The following TP63 variants were observed in gnomAD, a reference collection of about 807,000 sequenced individuals.
TP63 encodes the protein tumor protein p63.
A neutral mutation model predicts 82.8 loss-of-function variants in TP63; 17 were observed. That is an observed-to-expected ratio of 0.21 (90% CI 0.14 to 0.31). The LOEUF (loss-of-function observed/expected upper bound fraction) is 0.31. Among genes scored for constraint, TP63 ranks in the 10% least tolerant of loss-of-function variants. The pLI, the probability that TP63 is intolerant of heterozygous loss-of-function variation, is 1.00. For synonymous variants in TP63, 330 were observed against 321.7 expected, an observed-to-expected ratio of 1.03 and a Z score of -0.28; for missense variants, 648 against 895.3, an observed-to-expected ratio of 0.72 and a Z score of 3.52.
At chr3:189,634,112 G>A (rs1420036249) in intron 1 of TP63, among the ~76,000 whole-genome samples, 3 of 151,972 alleles carry the variant, frequency 2.0e-5, no homozygotes, top group African/African-American at 7.2e-5. Flanking sequence ...TGAGTAAATG[G>A]GTTTGAGCTG....
At chr3:189,632,168 T>C (rs1368446211) in intron 1 of TP63, among the ~76,000 whole-genome samples, 1 of 152,176 alleles carries the variant, frequency 6.6e-6, no homozygotes, top group Non-Finnish European at 1.5e-5. Context: ...CAATTGTGTA[T>C]GTGCTTCAAA....
chr3:189,712,177 CACTT>C (rs1236620018), intron 1 of TP63, among the ~76,000 whole-genome samples: 3 of 152,174 alleles, frequency 2.0e-5, no homozygotes, highest in South Asian at 2.1e-4. Flanking sequence ...TCCCTGTCCT[CACTT>C]ACGAGGACAG....
At chr3:189,618,946 C>T in the TP63 span, among the ~76,000 whole-genome samples, 2 of 152,140 alleles carry the variant, frequency 1.3e-5, no homozygotes, top group Non-Finnish European at 2.9e-5. Flanking sequence ...GTGAGCTTGC[C>T]CTATGCACGG....
At chr3:189,868,841 C>A (rs16864880) in intron 8 of TP63, 125 bp downstream of exon 8, 7 of 1,483,986 alleles carry the variant, frequency 4.7e-6, no homozygotes, top group South Asian at 1.1e-5. Flanking sequence ...GACGTCAGCC[C>A]TCAGAGCCAG....
At chr3:189,622,869 T>C in the TP63 span, among the ~76,000 whole-genome samples, 3 of 152,196 alleles carry the variant, frequency 2.0e-5, no homozygotes, top group South Asian at 2.1e-4. Context: ...AGTTGAGATG[T>C]TGCAATGAGA....
rs1553858906 is a variant in TP63 at position 189,872,840 on chromosome 3, C to T, written c.1213-19C>T. 6.2e-7 allele frequency: 1 copy of T among 1,614,058 alleles called. No homozygotes were observed. Among genetic ancestry groups the T allele is most frequent in the South Asian group, 1.1e-5 (1 of 91,064 alleles). ...ACAGCTTTTCATGTTTCCTTCTTTC[C>T]TTCTGCTCACTTCCATAGGTGAGGG... On this transcript the variant is annotated intron_variant, in intron 9 of 13. Coordinates refer to ENST00000264731, the MANE Select transcript of TP63 (RefSeq NM_003722.5).
At chr3:189,866,572 A>T (rs1717753551) in intron 5 of TP63, 110 bp from the exon 6 acceptor site, 1 of 965,722 alleles carries the variant, frequency 1.0e-6, no homozygotes, top group Non-Finnish European at 1.6e-6. Context: ...CATTTTCTTT[A>T]TTATACAGAC....
intron 1 of TP63, among the ~76,000 whole-genome samples, chr3:189,712,266 T>C (rs1718648261): frequency 6.6e-6 from 1 of 152,174 alleles, no homozygotes; most frequent in Non-Finnish European, 1.5e-5. Flanking sequence ...CACAGAAATA[T>C]GGAAGAAGAC....
At chr3:189,714,926 C>T (rs1718852535) in intron 1 of TP63, among the ~76,000 whole-genome samples, 1 of 152,108 alleles carries the variant, frequency 6.6e-6, no homozygotes, top group African/African-American at 2.4e-5. Context: ...AGAAACAGTA[C>T]TGTACGTTCA....
chr3:189,831,612 G>A (rs1045711208), intron 4 of TP63, among the ~76,000 whole-genome samples: 3 of 150,308 alleles, frequency 2.0e-5, no homozygotes, highest in African/African-American at 7.4e-5. Flanking sequence ...TTCTGGCCAG[G>A]TGCTCATTTG....
intron 3 of TP63, among the ~76,000 whole-genome samples, chr3:189,790,792 A>C (rs1459629916): frequency 6.6e-6 from 1 of 152,048 alleles, no homozygotes; most frequent in Non-Finnish European, 1.5e-5. Context: ...GGAAAAGTGG[A>C]CTAGAGTACT....
rs577715207 is a variant in TP63 at position 189,886,413 on chromosome 3, T to C, written c.1369T>C (p.Ser457Pro). 7 of 1,614,014 alleles carry C rather than the reference T, an allele frequency of 4.3e-6. No individual in the cohort carries two copies. In the Admixed American group the frequency reaches 8.3e-5, roughly 19 times the overall value. The change falls in exon 11 of 14, where the codon TCT becomes CCT. Residue 457 changes from serine (S) to proline (P), a missense_variant. Coordinates refer to ENST00000264731, the MANE Select transcript of TP63 (RefSeq NM_003722.5). ...TCCTAGGACCTCAATACAGTCTCCATCTTCATATGGTAACAGCTCCCCACC... is the reference window on the plus strand; with the variant it reads ...TCCTAGGACCTCAATACAGTCTCCACCTTCATATGGTAACAGCTCCCCACC... ...LQKQTSIQSPSSYGNSSPPLN... is the reference protein window; with the variant it reads ...LQKQTSIQSPPSYGNSSPPLN...
At chr3:189,698,988 T>C (rs528787514) in intron 1 of TP63, among the ~76,000 whole-genome samples, 2 of 152,274 alleles carry the variant, frequency 1.3e-5, no homozygotes, top group African/African-American at 2.4e-5. Context: ...TAAGCTAGTA[T>C]TGAATGCCTG....
At chr3:189,774,871 C>T (rs1047923006) in intron 3 of TP63, among the ~76,000 whole-genome samples, 1 of 152,138 alleles carries the variant, frequency 6.6e-6, no homozygotes, top group Non-Finnish European at 1.5e-5. Flanking sequence ...TGAATATATT[C>T]TCAAGACTTA....
At chr3:189,606,762 C>T in the TP63 span, among the ~76,000 whole-genome samples, 14 of 152,114 alleles carry the variant, frequency 9.2e-5, no homozygotes, top group African/African-American at 3.4e-4. Flanking sequence ...CTGCCTGACT[C>T]GGCCTCCCAA....
At chr3:189,782,568 A>G (rs558717221) in intron 3 of TP63, among the ~76,000 whole-genome samples, 1 of 152,238 alleles carries the variant, frequency 6.6e-6, no homozygotes, top group African/African-American at 2.4e-5. Context: ...AAATACAACA[A>G]TAAAAGATAC....
intron 4 of TP63, among the ~76,000 whole-genome samples, chr3:189,858,403 CAAAAAAAAA>C (rs1160961471): frequency 3.5e-4 from 1 of 2,880 alleles, no homozygotes; most frequent in Admixed American, 2.0e-3. Flanking sequence ...GACTCCGTCT[CAAAAAAAAA>C]AAAAAAAAAA....
chr3:189,871,446 C>G (rs931638534), intron 9 of TP63, among the ~76,000 whole-genome samples: 1 of 152,066 alleles, frequency 6.6e-6, no homozygotes, highest in African/African-American at 2.4e-5. Context: ...TCCAAAGATG[C>G]AAAAACTATA....
intron 4 of TP63, among the ~76,000 whole-genome samples, chr3:189,855,716 ATGTATGTATGTGTGTG>A (rs1388302752): frequency 0.011 from 1,723 of 151,448 alleles, 37 homozygotes; most frequent in African/African-American, 0.04. Flanking sequence ...GTGTGTGTGT[ATGTATGTATGTGTGTG>A]TGTATGCACA....
Sources: gnomAD v4.1 joint callset for allele counts (sites outside exome capture counted in the v4.1 genomes callset) on GRCh38, gnomAD v4.1.1 for gene constraint, MANE v1.5 for transcripts, NCBI Gene and HGNC (gene_info 2026-07-23, HGNC 2026-07-21) for gene names.